UPP2: variants seen among roughly 807,000 people sequenced by gnomAD.
UPP2 encodes the protein UPase 2.
A neutral mutation model predicts 26.7 loss-of-function variants in UPP2; 23 were observed. The ratio of observed to expected loss-of-function variants is 0.86; its 90% confidence interval spans 0.62 to 1.22. UPP2 has a LOEUF of 1.22. Among genes scored for constraint, UPP2 ranks in the 50% most tolerant of loss-of-function variants. The pLI is 0.00. For synonymous variants in UPP2, 127 were observed against 141.3 expected, an observed-to-expected ratio of 0.90 and a Z score of 0.72; for missense variants, 387 against 396.7, an observed-to-expected ratio of 0.98 and a Z score of 0.21.
chr2:158,002,938 A>G (rs1683431240), intron 2 of UPP2, among the ~76,000 whole-genome samples: 1 of 150,108 alleles, frequency 6.7e-6, no homozygotes, highest in Non-Finnish European at 1.5e-5. Context: ...TTCATCTCTC[A>G]TGTTTAATTC....
At chr2:158,004,433 T>C (rs1574240852) in intron 2 of UPP2, among the ~76,000 whole-genome samples, 1 of 152,066 alleles carries the variant, frequency 6.6e-6, no homozygotes, top group African/African-American at 2.4e-5. Context: ...GAAAAATGGA[T>C]ATTCACACTA....
chr2:158,070,718 G>A (rs1223404787), intron 3 of UPP2, among the ~76,000 whole-genome samples: 1 of 152,240 alleles, frequency 6.6e-6, no homozygotes, highest in African/African-American at 2.4e-5. Flanking sequence ...CAAAAGTCAG[G>A]TGAGGAGTCA....
chr2:158,113,428 G>T (rs1037062173), intron 2 of UPP2, among the ~76,000 whole-genome samples: 1 of 152,128 alleles, frequency 6.6e-6, no homozygotes, highest in Non-Finnish European at 1.5e-5. Context: ...TGAAACCATG[G>T]TCTTAACCTC....
intron 2 of UPP2, among the ~76,000 whole-genome samples, chr2:158,007,915 G>A (rs1187066383): frequency 1.3e-5 from 2 of 152,144 alleles, no homozygotes; most frequent in Admixed American, 6.5e-5. Context: ...GTGAGTCACC[G>A]TGCCTGGCTT....
intron 3 of UPP2, among the ~76,000 whole-genome samples, chr2:158,115,949 C>T (rs1683421466): frequency 6.6e-6 from 1 of 152,176 alleles, no homozygotes; most frequent in Admixed American, 6.5e-5. Context: ...CTGGGCACTG[C>T]AACCCTCAAA....
intron 3 of UPP2, among the ~76,000 whole-genome samples, chr2:158,051,434 T>A (rs1407563654): frequency 6.6e-6 from 1 of 152,084 alleles, no homozygotes; most frequent in African/African-American, 2.4e-5. Flanking sequence ...GAATCTGAAC[T>A]ACCAGAGGAA....
chr2:158,053,624 G>A (rs558924682), intron 3 of UPP2, among the ~76,000 whole-genome samples: 1 of 152,194 alleles, frequency 6.6e-6, no homozygotes, highest in South Asian at 2.1e-4. Flanking sequence ...TTGATTTCTA[G>A]GTAAATCATT....
intron 3 of UPP2, among the ~76,000 whole-genome samples, chr2:158,029,363 G>A (rs1683889069): frequency 6.6e-6 from 1 of 152,144 alleles, no homozygotes; most frequent in Non-Finnish European, 1.5e-5. Flanking sequence ...CAAATTTTCA[G>A]TATCTTACAC....
chr2:158,115,196 AG>A lies in UPP2; in HGVS notation c.277del (p.Asp93ThrfsTer59), dbSNP rs747233441. On this transcript the variant is annotated frameshift_variant, in exon 3 of 7. Coordinates refer to ENST00000005756, the MANE Select transcript of UPP2 (RefSeq NM_173355.4). LOFTEE classifies it high-confidence loss of function. The part of the protein sequence containing the change: ...GFEEAEEDIK[D>X]ICAGTDRYCM... ...TTGAGGAAGCTGAAGAAGACATAAA[AG>A]ACATCTGTGCTGGGACAGACAGATA... The A allele has an allele frequency of 1.2e-6, 2 of 1,613,932 alleles. No homozygotes were observed. Among genetic ancestry groups the A allele is most frequent in the South Asian group, 1.1e-5 (1 of 91,058 alleles).
chr2:158,058,419 C>CTCTGTGTGTGTGTGTGTG (rs1682294415), intron 3 of UPP2, among the ~76,000 whole-genome samples: 2 of 136,378 alleles, frequency 1.5e-5, no homozygotes, highest in African/African-American at 5.7e-5. Context: ...TCCCCCCAAC[C>CTCTGTGTGTGTGTGTGTG]TGTGTGTGTG....
intron 3 of UPP2, among the ~76,000 whole-genome samples, chr2:158,061,704 G>A (rs965782840): frequency 2.0e-5 from 3 of 152,146 alleles, no homozygotes; most frequent in African/African-American, 7.2e-5. Context: ...GATTATTTGG[G>A]GTTGGTCTTT....
At chr2:158,062,545 T>C (rs1367313594) in intron 3 of UPP2, among the ~76,000 whole-genome samples, 3 of 152,184 alleles carry the variant, frequency 2.0e-5, no homozygotes, top group African/African-American at 4.8e-5. Context: ...GATTCTTCCA[T>C]AGCTAGCAAA....
intron 6 of UPP2, among the ~76,000 whole-genome samples, chr2:158,132,581 G>A (rs1318703280): frequency 1.3e-5 from 2 of 152,192 alleles, no homozygotes; most frequent in African/African-American, 4.8e-5. Context: ...AAGATACATG[G>A]ATTGGAGAAA....
intron 3 of UPP2, among the ~76,000 whole-genome samples, chr2:158,052,282 T>A (rs1174664543): frequency 6.6e-6 from 1 of 152,030 alleles, no homozygotes; most frequent in Non-Finnish European, 1.5e-5. Context: ...CAATAAACAG[T>A]GAGGAATGTT....
At chr2:158,103,851 G>A (rs1683125760) in intron 1 of UPP2, among the ~76,000 whole-genome samples, 1 of 152,182 alleles carries the variant, frequency 6.6e-6, no homozygotes, top group Admixed American at 6.5e-5. Context: ...AGGGACTAGG[G>A]ATAAATTCTT....
rs113444405 is a variant in UPP2, at chr2:158,067,370, C to CAA, written c.148-34656_148-34655dup. ...ATAAATAGTGAAATGCATTTATCAT[C>CAA]AAAAAAAAAAAAAAAGAGAGAGAGA... is the stretch of plus-strand genomic sequence containing the variant. On this transcript the variant is annotated intron_variant, in intron 3 of 9. Transcript: ENST00000605860. 3.5e-3 allele frequency among the ~76,000 whole-genome samples: 385 copies of CAA among 108,786 alleles called. 1 individual carries two copies. The highest frequency in any genetic ancestry group is 0.01 in the African/African-American group (347 of 33,718). 71.4% of individuals were successfully genotyped at this position (108,786 alleles called of 152,430 possible). A position where few individuals can be genotyped will look rare whatever the true frequency, so the allele number is the denominator to read the frequency against.
chr2:158,133,394 G>A (rs1378828432), intron 6 of UPP2, among the ~76,000 whole-genome samples: 2 of 152,108 alleles, frequency 1.3e-5, no homozygotes, highest in Non-Finnish European at 2.9e-5. Flanking sequence ...GAGAGAAACT[G>A]GTCGAAGGGT....
intron 3 of UPP2, among the ~76,000 whole-genome samples, chr2:158,019,998 C>T (rs1683723700): frequency 1.3e-5 from 2 of 152,128 alleles, no homozygotes; most frequent in South Asian, 4.1e-4. Context: ...ATACAAAATC[C>T]AAAATCTGTC....
At chr2:158,099,455 G>C (rs777218462), upstream of UPP2, among the ~76,000 whole-genome samples, 26 of 152,066 alleles carry the variant, frequency 1.7e-4, no homozygotes, top group Non-Finnish European at 3.1e-4. Context: ...TGAGGACTTT[G>C]CTGTGCGTTG....
Sources: gnomAD v4.1 joint callset for allele counts (sites outside exome capture counted in the v4.1 genomes callset) on GRCh38, gnomAD v4.1.1 for gene constraint, MANE v1.5 for transcripts, NCBI Gene and HGNC (gene_info 2026-07-23, HGNC 2026-07-21) for gene names.